Variants in BZW1 observed in about 807,000 individuals in gnomAD.
BZW1 encodes the protein basic leucine zipper and W2 domains 1, also known as eIF5-mimic protein 2.
Under a neutral mutation model 54.1 loss-of-function variants are expected in BZW1, and 3 were observed. The observed-to-expected ratio is 0.06, with a 90% CI of 0.03 to 0.14. BZW1 has a LOEUF of 0.14. BZW1 is among the 10% of genes least tolerant of loss of function. The pLI is 1.00. For synonymous variants in BZW1, 152 were observed against 162.7 expected, an observed-to-expected ratio of 0.93 and a Z score of 0.50; for missense variants, 206 against 491.7, an observed-to-expected ratio of 0.42 and a Z score of 5.50.
chr2:200,820,328 CTAAAGCCATCA>C, intron 10 of BZW1: 1 of 401,980 alleles, frequency 2.5e-6, no homozygotes, highest in South Asian at 4.0e-5. Context: ...AGTATGAAAT[CTAAAGCCATCA>C]TTATGCGTCC....
rs1402440979 is a variant in BZW1, at chr2:200,826,395, AGATAGATAGATATTTTTTTTTTTTTTT to A, written c.*4218_*4244del. On this transcript the variant is annotated 3_prime_UTR_variant, in exon 12 of 12. Transcript: ENST00000409600. ...GATATAGATAGATAGATAGATAGAT[AGATAGATAGATATTTTTTTTTTTTTTT>A]TTTTTTTTTTTTTTTTTTTTGAGAC... The A allele has an allele frequency of 1.5e-4, 13 of 85,348 alleles. No individual in the cohort carries two copies. Among genetic ancestry groups the A allele is most frequent in the Admixed American group, 5.1e-4 (4 of 7,840 alleles). The allele number at this position is 85,348 out of a possible 1,614,324, so 5.3% of individuals were successfully genotyped here.
intron 9 of BZW1, 110 bp downstream of exon 9, chr2:200,819,011 G>A (rs1575056473): frequency 1.6e-6 from 2 of 1,258,846 alleles, no homozygotes; most frequent in Non-Finnish European, 2.2e-6. Context: ...GGTTCCTAGG[G>A]ATGGCCCACC....
chr2:200,812,009 C>T lies in BZW1; in HGVS notation c.-11+19C>T, dbSNP rs926886524. 3 of 383,560 alleles carry T rather than the reference C, an allele frequency of 7.8e-6. No homozygotes were observed. The highest frequency in any genetic ancestry group is 9.1e-5 in the Admixed American group (2 of 22,002). The allele number at this position is 383,560 out of a possible 1,614,324, so 23.8% of individuals were successfully genotyped here. On this transcript the variant is annotated intron_variant, in intron 1 of 11. Transcript: ENST00000409600. ...AAATTCGGTGAGACGCGGCGCCCCG[C>T]TCACCCCGGGCGGACGCTGCGGGTC...
intron 2 of BZW1, among the ~76,000 whole-genome samples, chr2:200,815,131 T>C (rs1056083304): frequency 2.0e-5 from 3 of 152,230 alleles, no homozygotes; most frequent in Admixed American, 1.3e-4. Flanking sequence ...CACAAGACAC[T>C]AGCACATTTA....
chr2:200,824,344 G>A lies in BZW1; in HGVS notation c.*2166G>A, dbSNP rs2038634310. 1 of 152,068 alleles carries A rather than the reference G, an allele frequency of 6.6e-6. No individual in the cohort carries two copies. The highest frequency in any genetic ancestry group is 6.6e-5 in the Admixed American group (1 of 15,256). 9.4% of individuals were successfully genotyped at this position (152,068 alleles called of 1,614,324 possible). On this transcript the variant is annotated 3_prime_UTR_variant, in exon 12 of 12. Coordinates refer to ENST00000409600, the MANE Select transcript of BZW1 (RefSeq NM_001207067.2). ...CAAGTATGTAATTCTTAATATAGAT[G>A]TTAAATTGTACTTTTAATTATGATT...
At position 200,813,331 on chromosome 2, in the gene BZW1, T is replaced by C. The variant is rs774214494; in HGVS notation, c.64+50T>C. 7 of 1,512,004 alleles carry C rather than the reference T, an allele frequency of 4.6e-6. No individual in the cohort carries two copies. The South Asian group carries it at 8.0e-5, about 17-fold the overall frequency. 93.7% of individuals were successfully genotyped at this position (1,512,004 alleles called of 1,614,324 possible). ...CTCTTCAAACCTCCAGAACATCTTG[T>C]GTATCTTGCCTTCTCTGACAGGTAC... is the stretch of plus-strand genomic sequence containing the variant. On this transcript the variant is annotated intron_variant, in intron 2 of 11. Coordinates refer to ENST00000409600, the MANE Select transcript of BZW1 (RefSeq NM_001207067.2).
In BZW1 at chr2:200,821,219, A is replaced by G. The variant is rs1424513760; in HGVS notation, c.1142A>G (p.Tyr381Cys). ...VLSEEPILKW[Y>C]KDAHVAKGKS... is the part of the protein sequence containing the mutation. Reference sequence around the variant, plus strand: ...AGCGAGGAGCCCATTTTGAAGTGGTATAAAGATGCACATGTTGCAAAGGGG... The same window carrying G: ...AGCGAGGAGCCCATTTTGAAGTGGTGTAAAGATGCACATGTTGCAAAGGGG... Residue 381 changes from tyrosine (Y) to cysteine (C), a missense_variant, in exon 11 of 12, where the codon TAT becomes TGT. Transcript: ENST00000409600. 1.2e-6 allele frequency: 2 copies of G among 1,612,276 alleles called. No homozygotes were observed. The highest frequency in any genetic ancestry group is 2.2e-5 in the East Asian group (1 of 44,868).
Position 200,811,989 on chromosome 2 carries a change from C to T in BZW1, c.-12C>T. On this transcript the variant is annotated splice_region_variant and 5_prime_UTR_variant, in exon 1 of 12. Coordinates refer to ENST00000409600, the MANE Select transcript of BZW1 (RefSeq NM_001207067.2). ...GGCTCTTTCCTCTTCGCCTTAAATT[C>T]GGTGAGACGCGGCGCCCCGCTCACC... is the stretch of plus-strand genomic sequence containing the variant. 1 of 367,114 alleles carries T rather than the reference C, an allele frequency of 2.7e-6. No homozygotes were observed. The highest frequency in any genetic ancestry group is 4.8e-6 in the Non-Finnish European group (1 of 206,408). 22.7% of individuals were successfully genotyped at this position (367,114 alleles called of 1,614,324 possible).
chr2:200,814,010 T>C (rs1575048161), intron 2 of BZW1, among the ~76,000 whole-genome samples: 1 of 152,304 alleles, frequency 6.6e-6, no homozygotes, highest in East Asian at 1.9e-4. Context: ...CATTTTGAGA[T>C]ATATATTGTA....
intron 4 of BZW1, among the ~76,000 whole-genome samples, 170 bp downstream of exon 4, chr2:200,815,931 A>G (rs1423335515): frequency 6.6e-6 from 1 of 152,216 alleles, no homozygotes; most frequent in Non-Finnish European, 1.5e-5. Flanking sequence ...AAGGTGTGTT[A>G]AGGCGAACAA....
chr2:200,815,793 T>C, intron 4 of BZW1, 32 bp downstream of exon 4: 1 of 1,488,488 alleles, frequency 6.7e-7, no homozygotes, highest in Non-Finnish European at 9.0e-7. Context: ...TGTTTTCAGT[T>C]GGCTACTATC....
chr2:200,823,892 T>C lies in BZW1; in HGVS notation c.*1714T>C, dbSNP rs557637346. 2.0e-5 allele frequency: 3 copies of C among 152,340 alleles called. No homozygotes were observed. Among genetic ancestry groups the C allele is most frequent in the Non-Finnish European group, 4.4e-5 (3 of 68,032 alleles). 9.4% of individuals were successfully genotyped at this position (152,340 alleles called of 1,614,324 possible). On this transcript the variant is annotated 3_prime_UTR_variant, in exon 12 of 12. Transcript: ENST00000409600. ...AATTCCATGTTAATACCTAGTGGTA[T>C]TGTATGTTGTGTGTTCAGATGTCTT...
At chr2:200,815,606 A>C in intron 3 of BZW1, 61 bp from the exon 4 acceptor site, 1 of 1,588,678 alleles carries the variant, frequency 6.3e-7, no homozygotes, top group Non-Finnish European at 8.6e-7. Flanking sequence ...CTATTTGGCA[A>C]ACTTGTTAAA....
chr2:200,812,674 TTA>T lies in BZW1; in HGVS notation c.-10-533_-10-532del, dbSNP rs1367645744. The T allele has an allele frequency of 1.3e-4, 139 of 1,105,654 alleles. No homozygotes were observed. The East Asian group carries it at 1.8e-3, about 15-fold the overall frequency. The allele number at this position is 1,105,654 out of a possible 1,614,324, so 68.5% of individuals were successfully genotyped here. A position where few individuals can be genotyped will look rare whatever the true frequency, so the allele number is the denominator to read the frequency against. On this transcript the variant is annotated intron_variant, in intron 1 of 11. Transcript: ENST00000409600. Reference sequence around the variant, plus strand: ...TGGGCGAAGGAGGCTGGGCTGGCTGTTAGTTTTGCAGGCCTGAGTGGTGCAAG... The same window carrying T: ...TGGGCGAAGGAGGCTGGGCTGGCTGTGTTTTGCAGGCCTGAGTGGTGCAAG...
At chr2:200,821,763 C>T (rs761211385) in intron 11 of BZW1, among the ~76,000 whole-genome samples, 3 of 152,078 alleles carry the variant, frequency 2.0e-5, no homozygotes, top group South Asian at 2.1e-4. Flanking sequence ...TAATAAAATT[C>T]GTTAACAGCT....
Position 200,826,411 on chromosome 2 carries a change from T to TAGATAGA in BZW1, c.*4233_*4234insAGATAGA, listed in dbSNP as rs1559318424. 15 of 37,450 alleles carry TAGATAGA rather than the reference T, an allele frequency of 4.0e-4. No individual in the cohort carries two copies. The highest frequency in any genetic ancestry group is 1.9e-3 in the African/African-American group (14 of 7,242). 2.3% of individuals were successfully genotyped at this position (37,450 alleles called of 1,614,324 possible). ...TAGATAGATAGATAGATAGATATTT[T>TAGATAGA]TTTTTTTTTTTTTTTTTTTTTTTTT... On this transcript the variant is annotated 3_prime_UTR_variant, in exon 12 of 12. Coordinates refer to ENST00000409600, the MANE Select transcript of BZW1 (RefSeq NM_001207067.2).
chr2:200,815,365 C>T lies in BZW1; in HGVS notation c.89C>T (p.Thr30Ile), dbSNP rs1274320791. The change falls in exon 3 of 12, where the codon ACT becomes ATT. Residue 30 changes from threonine to isoleucine, a missense_variant. Coordinates refer to ENST00000409600, the MANE Select transcript of BZW1 (RefSeq NM_001207067.2). Reference sequence around the variant, plus strand: ...GATGAAAAAGAGAGGTTTGACCCTACTCAGTTTCAAGACTGTATTATTCAA... The same window carrying T: ...GATGAAAAAGAGAGGTTTGACCCTATTCAGTTTCAAGACTGTATTATTCAA... ...KRDEKERFDPTQFQDCIIQGL... is the reference protein window; with the variant it reads ...KRDEKERFDPIQFQDCIIQGL... 10 of 1,611,792 alleles carry T rather than the reference C, an allele frequency of 6.2e-6. No homozygotes were observed. In the Admixed American group the frequency reaches 1.7e-4, roughly 27 times the overall value.
At chr2:200,812,370 C>T in intron 1 of BZW1, 1 of 1,283,476 alleles carries the variant, frequency 7.8e-7, no homozygotes, top group Admixed American at 4.1e-5. Flanking sequence ...CCGCTGCGGC[C>T]GCCGCCTCCG....
rs897519165 is a variant in BZW1, at chr2:200,824,653, T to G, written c.*2475T>G. 1 of 150,824 alleles carries G rather than the reference T, an allele frequency of 6.6e-6. No individual in the cohort carries two copies. Among genetic ancestry groups the G allele is most frequent in the Admixed American group, 6.6e-5 (1 of 15,156 alleles). The allele number at this position is 150,824 out of a possible 1,614,324, so 9.3% of individuals were successfully genotyped here. A position where few individuals can be genotyped will look rare whatever the true frequency, so the allele number is the denominator to read the frequency against. The stretch of plus-strand genomic sequence containing the variant: ...TTTCAAAAGCTTTTTTCCATTATCA[T>G]ACCCCCAGCCTTTTTAGGCTTTTTT... On this transcript the variant is annotated 3_prime_UTR_variant, in exon 12 of 12. Coordinates refer to ENST00000409600, the MANE Select transcript of BZW1 (RefSeq NM_001207067.2).
Sources: gnomAD v4.1 joint callset for allele counts (sites outside exome capture counted in the v4.1 genomes callset) on GRCh38, gnomAD v4.1.1 for gene constraint, MANE v1.5 for transcripts, NCBI Gene and HGNC (gene_info 2026-07-23, HGNC 2026-07-21) for gene names.